Variants in FBXL17 observed in about 807,000 individuals in gnomAD.
FBXL17 encodes F-box and leucine rich repeat protein 17, also known as F-box/LRR-repeat protein 17.
Under a neutral mutation model 66.2 loss-of-function variants are expected in FBXL17, and 22 were observed. The observed-to-expected ratio is 0.33, with a 90% CI of 0.24 to 0.47. The LOEUF (loss-of-function observed/expected upper bound fraction) is 0.47. Ranked by LOEUF, FBXL17 falls within the 20% of genes least tolerant of loss-of-function variation. The pLI is 1.00. For missense variants in FBXL17, 878 were observed against 948.2 expected (o/e 0.93, Z 0.97); for synonymous variants, 474 against 400.5 (o/e 1.18, Z -2.19).
At chr5:108,269,971 GGA>G (rs1279557997) in intron 4 of FBXL17, among the ~76,000 whole-genome samples, 1 of 151,888 alleles carries the variant, frequency 6.6e-6, no homozygotes, top group Non-Finnish European at 1.5e-5. Context: ...TCCCCTCAAT[GGA>G]GATTAGGTAG....
chr5:108,010,446 C>T (rs557037320), intron 7 of FBXL17, among the ~76,000 whole-genome samples: 2 of 152,242 alleles, frequency 1.3e-5, no homozygotes, highest in African/African-American at 4.8e-5. Context: ...AATGAGGATG[C>T]TTTAAAACCT....
At chr5:107,871,069 A>ACAAAAAAAAAAAAC (rs1554080841) in intron 8 of FBXL17, among the ~76,000 whole-genome samples, 1 of 130,174 alleles carries the variant, frequency 7.7e-6, no homozygotes, top group East Asian at 2.1e-4. Context: ...AAAAAAAAAA[A>ACAAAAAAAAAAAAC]AAAAAAAAAA....
chr5:108,235,870 G>C (rs555111627), intron 4 of FBXL17, among the ~76,000 whole-genome samples: 1 of 152,252 alleles, frequency 6.6e-6, no homozygotes, highest in African/African-American at 2.4e-5. Flanking sequence ...ATGGCTTGCT[G>C]GTTCAATACT....
intron 3 of FBXL17, among the ~76,000 whole-genome samples, chr5:108,359,169 T>C (rs1478387562): frequency 5.3e-5 from 8 of 152,172 alleles, no homozygotes; most frequent in African/African-American, 1.7e-4. Context: ...GTCTACTCTT[T>C]CATTTATGAT....
intron 4 of FBXL17, among the ~76,000 whole-genome samples, chr5:108,335,549 T>C (rs1760340014): frequency 6.6e-6 from 1 of 152,008 alleles, no homozygotes; most frequent in Admixed American, 6.6e-5. Flanking sequence ...TAACTGGAAG[T>C]TCATTTCTAC....
intron 7 of FBXL17, among the ~76,000 whole-genome samples, chr5:107,968,422 G>A (rs776444118): frequency 4.6e-5 from 7 of 152,072 alleles, no homozygotes; most frequent in African/African-American, 1.7e-4. Context: ...CATGGTGAGG[G>A]CAGGGCAATT....
chr5:108,152,687 A>T (rs542819408), intron 6 of FBXL17, among the ~76,000 whole-genome samples: 2 of 152,196 alleles, frequency 1.3e-5, no homozygotes, highest in African/African-American at 2.4e-5. Flanking sequence ...AGAGAAAAAA[A>T]TATCCTGGAA....
intron 4 of FBXL17, among the ~76,000 whole-genome samples, chr5:108,331,102 T>C (rs1182255856): frequency 6.6e-6 from 1 of 152,140 alleles, no homozygotes; most frequent in Admixed American, 6.5e-5. Flanking sequence ...CAATTGATCA[T>C]AACTTGTTCA....
intron 4 of FBXL17, among the ~76,000 whole-genome samples, chr5:108,258,206 C>T (rs533179712): frequency 1.3e-5 from 2 of 152,278 alleles, no homozygotes; most frequent in African/African-American, 2.4e-5. Context: ...GCTTTAGAAG[C>T]TCTCTCTGCT....
intron 6 of FBXL17, among the ~76,000 whole-genome samples, chr5:108,132,134 G>A (rs1357421825): frequency 3.3e-5 from 5 of 151,930 alleles, no homozygotes; most frequent in Non-Finnish European, 5.9e-5. Context: ...GTGCCACCAC[G>A]CCCAGCTAAT....
intron 7 of FBXL17, among the ~76,000 whole-genome samples, chr5:107,987,513 G>GT (rs1309765806): frequency 2.6e-5 from 4 of 151,646 alleles, no homozygotes; most frequent in Admixed American, 6.6e-5. Flanking sequence ...AAATATTTCA[G>GT]TTTTTTTTCA....
intron 6 of FBXL17, among the ~76,000 whole-genome samples, chr5:108,068,693 G>A (rs1212627848): frequency 6.6e-6 from 1 of 151,972 alleles, no homozygotes; most frequent in Non-Finnish European, 1.5e-5. Flanking sequence ...TCCTGACCTC[G>A]TGATCCACCC....
chr5:107,867,371 C>T (rs1748306188), intron 8 of FBXL17, among the ~76,000 whole-genome samples: 1 of 152,210 alleles, frequency 6.6e-6, no homozygotes, highest in Non-Finnish European at 1.5e-5. Context: ...AATAACTAAG[C>T]TACACTTTGG....
chr5:107,925,811 T>C (rs1008961456), intron 7 of FBXL17, among the ~76,000 whole-genome samples: 1 of 152,180 alleles, frequency 6.6e-6, no homozygotes, highest in Non-Finnish European at 1.5e-5. Flanking sequence ...ACTACATACA[T>C]TCAAATCCTT....
At chr5:108,116,725 C>A (rs866488260) in intron 6 of FBXL17, among the ~76,000 whole-genome samples, 4 of 131,034 alleles carry the variant, frequency 3.1e-5, no homozygotes, top group Non-Finnish European at 6.5e-5. Flanking sequence ...TGAATAATAC[C>A]GTTTTCAAAA....
chr5:108,116,926 A>C (rs1375008456), intron 6 of FBXL17, among the ~76,000 whole-genome samples: 1 of 152,128 alleles, frequency 6.6e-6, no homozygotes, highest in African/African-American at 2.4e-5. Context: ...GAGAGAATAC[A>C]TTAAAAAAAA....
rs529881536 is a variant in FBXL17, at chr5:108,184,898, T to G, written c.1745+1219A>C. Among the ~76,000 whole-genome samples the G allele has an allele frequency of 1.6e-4, 25 of 152,242 alleles. 1 individual carries two copies. Among genetic ancestry groups the G allele is most frequent in the Admixed American group, 6.5e-4 (10 of 15,282 alleles). On this transcript the variant is annotated intron_variant, in intron 6 of 8. Transcript: ENST00000542267. ...TGCTTTCTATTTTGAAAGGAAAATA[T>G]TTTTGGAAACTTATCTTTTAAAACA...
chr5:107,995,724 T>A lies in FBXL17; in HGVS notation c.1822+25201A>T, dbSNP rs144172667. On this transcript the variant is annotated intron_variant, in intron 7 of 8. Transcript: ENST00000542267. The stretch of plus-strand genomic sequence containing the variant: ...GGCCTCATTTAATGATGTTATGAAA[T>A]AAAAATAAATAACATTAAATAAATT... Among the ~76,000 whole-genome samples, 669 of 150,016 alleles carry A rather than the reference T, an allele frequency of 4.5e-3. 4 individuals carry two copies. Among genetic ancestry groups the A allele is most frequent in the African/African-American group, 0.015 (628 of 41,416 alleles).
At chr5:108,321,612 T>A (rs930960087) in intron 4 of FBXL17, among the ~76,000 whole-genome samples, 3 of 151,870 alleles carry the variant, frequency 2.0e-5, no homozygotes, top group Non-Finnish European at 4.4e-5. Context: ...CTATTACCTG[T>A]GGATATTCCA....
Sources: allele counts gnomAD v4.1 joint callset (sites outside exome capture counted in the v4.1 genomes callset), GRCh38; gene constraint gnomAD v4.1.1; transcripts MANE v1.5; gene names NCBI Gene and HGNC (gene_info 2026-07-23, HGNC 2026-07-21).